The following FAM117A variants were observed in gnomAD, a reference collection of about 807,000 sequenced individuals.
The protein encoded by FAM117A is family with sequence similarity 117 member A.
FAM117A carries 21 observed loss-of-function variants against 44.1 expected under a neutral mutation model. The ratio of observed to expected loss-of-function variants is 0.48; its 90% CI spans 0.34 to 0.69. The LOEUF (loss-of-function observed/expected upper bound fraction) is 0.69. Ranked by LOEUF, FAM117A falls within the 30% of genes least tolerant of loss-of-function variation. The pLI is 0.01. For synonymous variants in FAM117A, 220 were observed against 238.3 expected (o/e 0.92, Z 0.71); for missense variants, 498 against 589.9 (o/e 0.84, Z 1.61).
chr17:49,777,445 T>C (rs940235016), intron 1 of FAM117A, among the ~76,000 whole-genome samples: 2 of 152,116 alleles, frequency 1.3e-5, no homozygotes, highest in Non-Finnish European at 2.9e-5. Context: ...TAGTATCTTG[T>C]ATGAGACCTA....
Position 49,746,305 on chromosome 17 carries a change from GA to G in FAM117A, c.197-13586del, listed in dbSNP as rs939187206. Reference sequence around the variant, plus strand: ...GAAATTTTCCAAAATAAAGTTGTAAGAAAAAAAAAATACTGGCTTCATTTAG... The same window carrying G: ...GAAATTTTCCAAAATAAAGTTGTAAGAAAAAAAAATACTGGCTTCATTTAG... On this transcript the variant is annotated intron_variant, in intron 1 of 7. Transcript: ENST00000240364. 1.4e-4 allele frequency among the ~76,000 whole-genome samples: 21 copies of G among 148,624 alleles called. No individual in the cohort carries two copies. In the South Asian group the frequency reaches 2.3e-3, roughly 17 times the overall value.
chr17:49,723,486 T>C (rs1406965096), intron 2 of FAM117A, among the ~76,000 whole-genome samples: 1 of 152,128 alleles, frequency 6.6e-6, no homozygotes. Context: ...CCACCACCAG[T>C]ATCCCTACTT....
intron 7 of FAM117A, among the ~76,000 whole-genome samples, chr17:49,713,392 G>A (rs1004074644): frequency 6.6e-6 from 1 of 152,150 alleles, no homozygotes; most frequent in African/African-American, 2.4e-5. Context: ...ATGGGAAGAC[G>A]GTGAAGCTCT....
chr17:49,766,657 C>T (rs188808324), upstream of FAM117A, among the ~76,000 whole-genome samples: 51 of 152,212 alleles, frequency 3.4e-4, no homozygotes, highest in African/African-American at 1.2e-3. Flanking sequence ...TGTAAATTCT[C>T]AATCTTAGGA....
chr17:49,783,845 G>T (rs775200057), intron 1 of FAM117A, among the ~76,000 whole-genome samples: 11 of 152,184 alleles, frequency 7.2e-5, no homozygotes, highest in Non-Finnish European at 1.6e-4. Context: ...CACCTTACAA[G>T]ACTGCACACA....
At chr17:49,759,153 C>T (rs1045439434) in intron 1 of FAM117A, among the ~76,000 whole-genome samples, 1 of 152,212 alleles carries the variant, frequency 6.6e-6, no homozygotes, top group Non-Finnish European at 1.5e-5. Context: ...CCCTCTGACA[C>T]TGACCTCAAA....
At chr17:49,777,581 A>ATT in intron 1 of FAM117A, among the ~76,000 whole-genome samples, 1 of 147,606 alleles carries the variant, frequency 6.8e-6, no homozygotes, top group African/African-American at 2.5e-5. Flanking sequence ...TTTTTGGAGG[A>ATT]TTTTTTTTTT....
At chr17:49,754,278 C>T (rs982573397) in intron 1 of FAM117A, among the ~76,000 whole-genome samples, 3 of 151,628 alleles carry the variant, frequency 2.0e-5, no homozygotes, top group Non-Finnish European at 4.4e-5. Context: ...GCCACGTGGG[C>T]GACCAGACAT....
chr17:49,715,582 G>A (rs1435629116), intron 7 of FAM117A, among the ~76,000 whole-genome samples: 1 of 152,178 alleles, frequency 6.6e-6, no homozygotes, highest in African/African-American at 2.4e-5. Flanking sequence ...GCTTCTGAAC[G>A]ATCCAATCTG....
chr17:49,754,809 C>A (rs1015492941), intron 1 of FAM117A, among the ~76,000 whole-genome samples: 1 of 151,776 alleles, frequency 6.6e-6, no homozygotes, highest in Admixed American at 6.6e-5. Context: ...GAGGCCAAGG[C>A]GGGTGGATTA....
At chr17:49,749,876 C>T (rs536710813) in intron 1 of FAM117A, among the ~76,000 whole-genome samples, 4 of 148,536 alleles carry the variant, frequency 2.7e-5, no homozygotes, top group South Asian at 2.1e-4. Context: ...CCTACTATAA[C>T]GGTCAATACC....
intron 1 of FAM117A, among the ~76,000 whole-genome samples, chr17:49,735,313 C>T (rs2073605950): frequency 6.6e-6 from 1 of 151,972 alleles, no homozygotes; most frequent in Non-Finnish European, 1.5e-5. Flanking sequence ...TTGCTTGAAC[C>T]CGGGAAGCGG....
chr17:49,717,622 A>G lies in FAM117A; in HGVS notation c.801T>C (p.Leu267=), dbSNP rs374585381. 6.1e-5 allele frequency: 98 copies of G among 1,614,012 alleles called. No individual in the cohort carries two copies. The highest frequency in any genetic ancestry group is 8.1e-5 in the Non-Finnish European group (95 of 1,180,018). Residue 267 remains leucine (L), a synonymous_variant, in exon 6 of 8, where the codon CTT becomes CTC. Transcript: ENST00000240364. ...CCAAGGACATGGAAGGAGAGCTGGC[A>G]AGGTTGCCAGGCTCCAGGAGGAGGA... ...HPLLLLEPGN[L]ASSPSMSLAS... is the part of the protein sequence containing the mutation.
chr17:49,726,729 C>T (rs1488999024), intron 2 of FAM117A, among the ~76,000 whole-genome samples: 1 of 152,130 alleles, frequency 6.6e-6, no homozygotes, highest in Non-Finnish European at 1.5e-5. Context: ...GTAATCCCAG[C>T]ACCTTGGGAA....
At chr17:49,765,428 G>A (rs554701728), upstream of FAM117A, 1 of 152,332 alleles carries the variant, frequency 6.6e-6, no homozygotes, top group South Asian at 2.1e-4. Context: ...GAGAAAAAGA[G>A]GTAATCTGGG....
Position 49,716,147 on chromosome 17 carries a change from T to TAC in FAM117A, c.1061+17_1061+18insGT. Reference sequence around the variant, plus strand: ...GCCCACCCTCCCCTCCCACACCCTGTCCACTTGGTGTACTCACGTGGCTTC... The same window carrying TAC: ...GCCCACCCTCCCCTCCCACACCCTGTACCCACTTGGTGTACTCACGTGGCTTC... On this transcript the variant is annotated intron_variant, in intron 7 of 7. Transcript: ENST00000240364. The TAC allele has an allele frequency of 6.3e-7, 1 of 1,591,526 alleles. No individual in the cohort carries two copies. The highest frequency in any genetic ancestry group is 8.6e-7 in the Non-Finnish European group (1 of 1,164,814).
chr17:49,726,817 G>T (rs1210529201), intron 2 of FAM117A, among the ~76,000 whole-genome samples: 2 of 151,632 alleles, frequency 1.3e-5, no homozygotes, highest in East Asian at 2.0e-4. Flanking sequence ...CTCTATAAAA[G>T]AAATAATTTT....
chr17:49,757,571 GCTGTTA>G (rs1276046066), intron 1 of FAM117A, among the ~76,000 whole-genome samples: 1 of 152,210 alleles, frequency 6.6e-6, no homozygotes, highest in East Asian at 1.9e-4. Context: ...CTAGCAGCCA[GCTGTTA>G]CGAGAACCTC....
In FAM117A at chr17:49,715,763, T is replaced by G. The variant is rs78844927; in HGVS notation, c.1061+402A>C. Among the ~76,000 whole-genome samples the G allele has an allele frequency of 2.2e-4, 33 of 152,274 alleles. No homozygotes were observed. The East Asian group carries it at 5.6e-3, about 26-fold the overall frequency. On this transcript the variant is annotated intron_variant, in intron 7 of 7. Coordinates refer to ENST00000240364, the MANE Select transcript of FAM117A (RefSeq NM_030802.4). Reference sequence around the variant, plus strand: ...CAGTGGGGCTGAAACACTTCTAATCTCTGACTGAAGAGAAATACTAATATG... The same window carrying G: ...CAGTGGGGCTGAAACACTTCTAATCGCTGACTGAAGAGAAATACTAATATG...
Sources: allele counts gnomAD v4.1 joint callset (sites outside exome capture counted in the v4.1 genomes callset), GRCh38; gene constraint gnomAD v4.1.1; transcripts MANE v1.5; gene names NCBI Gene and HGNC (gene_info 2026-07-23, HGNC 2026-07-21).